Variants in DTNB observed in about 807,000 individuals in gnomAD.
DTNB encodes the protein DTN-B.
A neutral mutation model predicts 90.7 loss-of-function variants in DTNB; 63 were observed. The ratio of observed to expected loss-of-function variants is 0.69; its 90% CI spans 0.57 to 0.86. DTNB has a LOEUF of 0.86. Ranked by LOEUF, DTNB falls within the 40% of genes least tolerant of loss-of-function variation. The pLI is 0.00. For missense variants in DTNB, 744 were observed against 807.1 expected (o/e 0.92, Z 0.95); for synonymous variants, 277 against 286.7 (o/e 0.97, Z 0.34).
chr2:25,618,759 G>A (rs1340093234), intron 4 of DTNB, among the ~76,000 whole-genome samples: 1 of 152,154 alleles, frequency 6.6e-6, no homozygotes, highest in Admixed American at 6.5e-5. Context: ...TCCAGGGAAT[G>A]TCCTCCTTCA....
At chr2:25,497,124 T>C (rs1235190053) in intron 9 of DTNB, among the ~76,000 whole-genome samples, 1 of 152,214 alleles carries the variant, frequency 6.6e-6, no homozygotes, top group Non-Finnish European at 1.5e-5. Flanking sequence ...CAAGGTAGTC[T>C]TCCCCACAGA....
intron 16 of DTNB, among the ~76,000 whole-genome samples, chr2:25,389,857 TGTGTG>T (rs1573721150): frequency 6.7e-5 from 10 of 148,982 alleles, no homozygotes; most frequent in African/African-American, 2.0e-4. Context: ...TGTGTGTGTG[TGTGTG>T]TGTGTGTGTG....
At chr2:25,523,256 C>T (rs914075605) in intron 9 of DTNB, among the ~76,000 whole-genome samples, 4 of 152,302 alleles carry the variant, frequency 2.6e-5, no homozygotes, top group African/African-American at 9.6e-5. Context: ...ACTATGTGAA[C>T]ACTGTTAGCA....
intron 6 of DTNB, among the ~76,000 whole-genome samples, chr2:25,585,850 G>C (rs2062301036): frequency 6.6e-6 from 1 of 152,178 alleles, no homozygotes; most frequent in African/African-American, 2.4e-5. Context: ...ACATTAATCA[G>C]AGTTACAGAG....
intron 12 of DTNB, among the ~76,000 whole-genome samples, chr2:25,449,102 T>C (rs1015319175): frequency 6.6e-6 from 1 of 152,206 alleles, no homozygotes; most frequent in Non-Finnish European, 1.5e-5. Context: ...AAACAGTACG[T>C]ACTTTTTTTG....
chr2:25,557,668 A>G (rs2057587792), intron 8 of DTNB, among the ~76,000 whole-genome samples: 1 of 152,210 alleles, frequency 6.6e-6, no homozygotes, highest in African/African-American at 2.4e-5. Context: ...GGGACTTTGT[A>G]TATTTAACAA....
chr2:25,403,185 G>A (rs1265456774), intron 16 of DTNB, among the ~76,000 whole-genome samples: 1 of 152,076 alleles, frequency 6.6e-6, no homozygotes, highest in Admixed American at 6.6e-5. Flanking sequence ...GCGCAATCTC[G>A]GCTCACTGCA....
intron 4 of DTNB, among the ~76,000 whole-genome samples, chr2:25,611,809 AAATAG>A (rs541477111): frequency 6.7e-4 from 102 of 152,254 alleles, no homozygotes; most frequent in Middle Eastern, 3.4e-3. Flanking sequence ...CCTCATCTCT[AAATAG>A]AAAAATAATA....
chr2:25,455,269 T>G, intron 11 of DTNB, 136 bp downstream of exon 11: 1 of 781,520 alleles, frequency 1.3e-6, no homozygotes, highest in Non-Finnish European at 2.0e-6. Flanking sequence ...CTATTTTAAC[T>G]CTGCCAAACA....
At chr2:25,617,143 G>T (rs1245023418) in intron 4 of DTNB, among the ~76,000 whole-genome samples, 17 of 152,054 alleles carry the variant, frequency 1.1e-4, no homozygotes, top group Admixed American at 1.1e-3. Flanking sequence ...GCACTTTCAG[G>T]TGAACAAATG....
rs1195271718 is a variant in DTNB at position 25,424,122 on chromosome 2, G to A, written c.1554+3413C>T. ...GATTACGTGGTAATTCTTTTAGGAAGCTGGACACTAAAGGCATGAGATTTT... is the reference window on the plus strand; with the variant it reads ...GATTACGTGGTAATTCTTTTAGGAAACTGGACACTAAAGGCATGAGATTTT... On this transcript the variant is annotated intron_variant, in intron 15 of 20. Transcript: ENST00000406818. This position sits in a 1 kb window ranked among gnomAD's most constrained non-coding sequence, Gnocchi z 4.1. 1.3e-5 allele frequency among the ~76,000 whole-genome samples: 2 copies of A among 152,148 alleles called. No individual in the cohort carries two copies. The highest frequency in any genetic ancestry group is 2.9e-5 in the Non-Finnish European group (2 of 68,034).
chr2:25,549,430 T>TAAA (rs2083129129), intron 8 of DTNB, among the ~76,000 whole-genome samples: 1 of 152,164 alleles, frequency 6.6e-6, no homozygotes, highest in Non-Finnish European at 1.5e-5. Flanking sequence ...CACCCTTAAA[T>TAAA]TTTTAATGCA....
intron 3 of DTNB, among the ~76,000 whole-genome samples, chr2:25,634,924 G>GGCC (rs1478967564): frequency 1.7e-5 from 2 of 120,442 alleles, no homozygotes; most frequent in Non-Finnish European, 3.8e-5. Context: ...CACTGCGGAA[G>GGCC]GCCGCAGGGT....
chr2:25,438,221 G>C (rs574791864), intron 12 of DTNB, among the ~76,000 whole-genome samples: 23 of 152,238 alleles, frequency 1.5e-4, no homozygotes, highest in African/African-American at 4.3e-4. Flanking sequence ...CAATCTTTTG[G>C]CTTCCCTGGG....
At chr2:25,535,761 CG>C (rs2079518029) in intron 8 of DTNB, among the ~76,000 whole-genome samples, 3 of 125,434 alleles carry the variant, frequency 2.4e-5, no homozygotes, top group Non-Finnish European at 4.9e-5. Flanking sequence ...ACTTCCCAGA[CG>C]GGGGTGGCCA....
chr2:25,657,138 T>C (rs543156038), intron 1 of DTNB, among the ~76,000 whole-genome samples: 1 of 152,282 alleles, frequency 6.6e-6, no homozygotes, highest in East Asian at 1.9e-4. Context: ...ATCATGCCAC[T>C]GCACTCCAGC....
At chr2:25,437,381 C>G (rs895823351) in intron 12 of DTNB, among the ~76,000 whole-genome samples, 1 of 151,950 alleles carries the variant, frequency 6.6e-6, no homozygotes, top group Non-Finnish European at 1.5e-5. Flanking sequence ...CCTGCCTCAG[C>G]CTCCTGAGTA....
At chr2:25,468,375 A>C (rs2062163615) in intron 10 of DTNB, among the ~76,000 whole-genome samples, 1 of 152,192 alleles carries the variant, frequency 6.6e-6, no homozygotes. Context: ...CTAATCTAAC[A>C]GGACCATTCC....
At chr2:25,633,827 C>G (rs1322602607) in intron 3 of DTNB, among the ~76,000 whole-genome samples, 1 of 151,434 alleles carries the variant, frequency 6.6e-6, no homozygotes, top group African/African-American at 2.4e-5. Flanking sequence ...CCCCGCCACC[C>G]CGTCTGGGAT....
Sources: allele counts gnomAD v4.1 joint callset (sites outside exome capture counted in the v4.1 genomes callset), GRCh38; gene constraint gnomAD v4.1.1; non-coding constraint Gnocchi (gnomAD v3.1); transcripts MANE v1.5; gene names NCBI Gene and HGNC (gene_info 2026-07-23, HGNC 2026-07-21).